Variants in ARNT observed in about 807,000 individuals in gnomAD.
The protein encoded by ARNT is class E basic helix-loop-helix protein 2.
In ARNT, 30 loss-of-function variants were observed where a neutral mutation model predicts 105.0. The observed-to-expected ratio is 0.29, with a 90% CI of 0.21 to 0.39. The LOEUF is 0.39. Among genes scored for constraint, ARNT ranks in the 10% least tolerant of loss-of-function variants. ARNT has a pLI of 1.00. For synonymous variants in ARNT, 304 were observed against 344.0 expected (o/e 0.88, Z 1.29); for missense variants, 748 against 978.7 (o/e 0.76, Z 3.15).
chr1:150,826,723 C>A, intron 12 of ARNT, 106 bp from the exon 13 acceptor site: 2 of 723,528 alleles, frequency 2.8e-6, no homozygotes, highest in Non-Finnish European at 4.7e-6. Flanking sequence ...TGGCTCACTG[C>A]AACCTCCACC....
intron 1 of ARNT, among the ~76,000 whole-genome samples, chr1:150,873,275 T>C (rs1273201004): frequency 4.1e-5 from 6 of 147,810 alleles, no homozygotes; most frequent in African/African-American, 1.5e-4. Flanking sequence ...GGCGACAGAG[T>C]GAGACTCTGT....
At chr1:150,876,416 T>C in intron 1 of ARNT, 127 bp downstream of exon 1, 2 of 1,342,642 alleles carry the variant, frequency 1.5e-6, no homozygotes, top group Non-Finnish European at 2.0e-6. Context: ...CCCCACCGTC[T>C]CTCGCGGCCC....
At chr1:150,826,937 G>A (rs775171579) in intron 12 of ARNT, among the ~76,000 whole-genome samples, 12 of 151,726 alleles carry the variant, frequency 7.9e-5, no homozygotes, top group African/African-American at 9.7e-5. Flanking sequence ...GTGAGCCACC[G>A]TGCCCAGCCA....
intron 1 of ARNT, among the ~76,000 whole-genome samples, chr1:150,866,554 TGAGA>T (rs1455694114): frequency 2.0e-5 from 3 of 151,966 alleles, no homozygotes; most frequent in Non-Finnish European, 4.4e-5. Flanking sequence ...GAGAAGGAAA[TGAGA>T]GAAAGGGAGC....
chr1:150,843,894 T>C (rs1661703490), intron 4 of ARNT, among the ~76,000 whole-genome samples: 1 of 152,168 alleles, frequency 6.6e-6, no homozygotes, highest in South Asian at 2.1e-4. Flanking sequence ...ATGAATTCTG[T>C]TATTTAAAAA....
chr1:150,822,511 C>A (rs1657312430), intron 14 of ARNT, among the ~76,000 whole-genome samples: 1 of 152,116 alleles, frequency 6.6e-6, no homozygotes, highest in African/African-American at 2.4e-5. Flanking sequence ...GTTTGAGGAG[C>A]TTCTTGATAG....
chr1:150,842,227 A>G, intron 5 of ARNT, 197 bp downstream of exon 5: 1 of 982,340 alleles, frequency 1.0e-6, no homozygotes, highest in Non-Finnish European at 1.2e-6. Context: ...CCCTAAGCAA[A>G]GTTCCCTCAA....
chr1:150,848,466 AAAGG>A (rs1278764410), intron 3 of ARNT, among the ~76,000 whole-genome samples: 1 of 152,140 alleles, frequency 6.6e-6, no homozygotes, highest in African/African-American at 2.4e-5. Flanking sequence ...AAAAAAAAAA[AAAGG>A]AGTTCTGAAG....
At position 150,849,902 on chromosome 1, in the gene ARNT, T is replaced by G. The variant is rs188237270; in HGVS notation, c.182+2860A>C. On this transcript the variant is annotated intron_variant, in intron 3 of 21. Transcript: ENST00000358595. ...TAACATGGTGAAACCCCGTCTCTACTAAAAATACAAAAATTAGCCAGGTGT... is the reference window on the plus strand; with the variant it reads ...TAACATGGTGAAACCCCGTCTCTACGAAAAATACAAAAATTAGCCAGGTGT... Among the ~76,000 whole-genome samples the G allele has an allele frequency of 5.9e-4, 90 of 152,104 alleles. 1 individual carries two copies. Among genetic ancestry groups the G allele is most frequent in the Admixed American group, 5.8e-3 (88 of 15,278 alleles).
In ARNT at chr1:150,823,184, T is replaced by G; in HGVS notation, c.1394+10A>C. ...AAAACAGTTTTTTCACACTCCTGTA[T>G]AATACATACTTCACATTGGTGTTGG... On this transcript the variant is annotated intron_variant, in intron 14 of 21. Transcript: ENST00000358595. 1 of 1,600,120 alleles carries G rather than the reference T, an allele frequency of 6.2e-7. No homozygotes were observed. The highest frequency in any genetic ancestry group is 1.1e-5 in the South Asian group (1 of 89,322).
In ARNT at chr1:150,811,281, G is replaced by A. The variant is rs987190577; in HGVS notation, c.*740C>T. ...ATATTGGCTGGGCATGGATGCAAGCGCAGCAAAGACGTTTATTTAAATATT... is the reference window on the plus strand; with the variant it reads ...ATATTGGCTGGGCATGGATGCAAGCACAGCAAAGACGTTTATTTAAATATT... On this transcript the variant is annotated 3_prime_UTR_variant, in exon 22 of 22. Coordinates refer to ENST00000358595, the MANE Select transcript of ARNT (RefSeq NM_001668.4). 5 of 233,510 alleles carry A rather than the reference G, an allele frequency of 2.1e-5. No homozygotes were observed. Among genetic ancestry groups the A allele is most frequent in the South Asian group, 1.8e-4 (1 of 5,534 alleles). 14.5% of individuals were successfully genotyped at this position (233,510 alleles called of 1,614,324 possible). A position where few individuals can be genotyped will look rare whatever the true frequency, so the allele number is the denominator to read the frequency against.
intron 12 of ARNT, among the ~76,000 whole-genome samples, chr1:150,828,034 G>C (rs1658618980): frequency 6.6e-6 from 1 of 151,918 alleles, no homozygotes; most frequent in African/African-American, 2.4e-5. Context: ...ATATATTCCT[G>C]GTACAAATCC....
intron 2 of ARNT, 181 bp from the exon 3 acceptor site, chr1:150,852,987 G>A (rs1345274941): frequency 2.6e-6 from 2 of 766,298 alleles, no homozygotes; most frequent in East Asian, 2.8e-5. Flanking sequence ...AGGCAAAGAA[G>A]TACAAAACTG....
rs1174151708 is a variant in ARNT at position 150,831,811 on chromosome 1, T to A, written c.955+7A>T. On this transcript the variant is annotated splice_region_variant and intron_variant, in intron 10 of 21. Transcript: ENST00000358595. ...AAGGGGAAATATTTACTATTTCACT[T>A]TCTTACCTGCTGGGGGCCAGGCCTT... 1 of 1,602,742 alleles carries A rather than the reference T, an allele frequency of 6.2e-7. No homozygotes were observed. Among genetic ancestry groups the A allele is most frequent in the Non-Finnish European group, 8.5e-7 (1 of 1,174,052 alleles).
At chr1:150,844,641 A>G (rs779961431) in intron 4 of ARNT, among the ~76,000 whole-genome samples, 7 of 152,208 alleles carry the variant, frequency 4.6e-5, no homozygotes, top group Non-Finnish European at 7.3e-5. Context: ...TTAATTTTCA[A>G]AAAAGAAATA....
intron 10 of ARNT, 108 bp from the exon 11 acceptor site, chr1:150,830,088 G>A (rs895639051): frequency 7.2e-6 from 9 of 1,245,230 alleles, no homozygotes; most frequent in South Asian, 2.7e-5. Context: ...GCCAGGCACC[G>A]TGGCTGACGC....
At chr1:150,856,112 T>G (rs1664556363) in intron 2 of ARNT, among the ~76,000 whole-genome samples, 1 of 152,196 alleles carries the variant, frequency 6.6e-6, no homozygotes, top group East Asian at 1.9e-4. Context: ...TTTTTATTGT[T>G]CTTTCTAACT....
intron 1 of ARNT, among the ~76,000 whole-genome samples, chr1:150,863,355 CAAA>C (rs769411546): frequency 2.8e-5 from 3 of 108,500 alleles, no homozygotes. Flanking sequence ...GACTCTGTCT[CAAA>C]AAAAAAAAAA....
chr1:150,868,462 T>C (rs1267514805), intron 1 of ARNT, among the ~76,000 whole-genome samples: 1 of 152,188 alleles, frequency 6.6e-6, no homozygotes, highest in Non-Finnish European at 1.5e-5. Flanking sequence ...ACCAAGTTTC[T>C]AGGAGAGGCT....
Sources: gnomAD v4.1 joint callset for allele counts (sites outside exome capture counted in the v4.1 genomes callset) on GRCh38, gnomAD v4.1.1 for gene constraint, MANE v1.5 for transcripts, NCBI Gene and HGNC (gene_info 2026-07-23, HGNC 2026-07-21) for gene names.